The following PCCB variants were observed in gnomAD, a reference collection of about 807,000 sequenced individuals.
The protein encoded by PCCB is propionyl-CoA carboxylase beta chain, mitochondrial.
In PCCB, 43 loss-of-function variants were observed where a neutral mutation model predicts 60.7. That is an observed-to-expected ratio of 0.71 (90% CI 0.55 to 0.91). The LOEUF is 0.91. Among genes scored for constraint, PCCB ranks in the 40% least tolerant of loss-of-function variants. The pLI is 0.00. For missense variants in PCCB, 766 were observed against 702.8 expected (o/e 1.09, Z -1.02); for synonymous variants, 276 against 255.9 (o/e 1.08, Z -0.75).
At chr3:136,321,323 A>G (rs1334157405) in intron 10 of PCCB, among the ~76,000 whole-genome samples, 1 of 152,210 alleles carries the variant, frequency 6.6e-6, no homozygotes, top group Non-Finnish European at 1.5e-5. Flanking sequence ...CCTGCATAAG[A>G]GCAGTATATT....
intron 5 of PCCB, among the ~76,000 whole-genome samples, chr3:136,273,475 T>G (rs565493120): frequency 6.6e-6 from 1 of 152,096 alleles, no homozygotes; most frequent in Non-Finnish European, 1.5e-5. Context: ...AGTAATTGTT[T>G]TATAAATCTG....
chr3:136,294,268 G>A (rs531823010), intron 7 of PCCB, among the ~76,000 whole-genome samples: 1 of 152,232 alleles, frequency 6.6e-6, no homozygotes, highest in African/African-American at 2.4e-5. Context: ...TTGGCCAGGT[G>A]CATGATGGTC....
At chr3:136,290,671 G>GTTTTTTTCTTTTTTTTTTTTTTTTTTTTT (rs1553778408) in intron 6 of PCCB, among the ~76,000 whole-genome samples, 1 of 60,050 alleles carries the variant, frequency 1.7e-5, no homozygotes. Flanking sequence ...TCTCTGTGTA[G>GTTTTTTTCTTTTTTTTTTTTTTTTTTTTT]TTTTTTTTTT....
chr3:136,311,386 C>T (rs965609658), intron 9 of PCCB, among the ~76,000 whole-genome samples: 1 of 152,156 alleles, frequency 6.6e-6, no homozygotes, highest in Admixed American at 6.5e-5. Context: ...GGGTTTCACT[C>T]TGTCACCCAG....
chr3:136,255,449 A>G (rs1941646639), intron 1 of PCCB: 2 of 286,664 alleles, frequency 7.0e-6, no homozygotes, highest in South Asian at 3.5e-5. Flanking sequence ...CTCCCTAGAA[A>G]AAACCTGTGT....
At chr3:136,301,357 G>T (rs549471078) in intron 9 of PCCB, among the ~76,000 whole-genome samples, 11 of 152,220 alleles carry the variant, frequency 7.2e-5, no homozygotes, top group Non-Finnish European at 1.6e-4. Flanking sequence ...GGCCAGCAGA[G>T]CTCAGGAGTC....
Position 136,293,184 on chromosome 3 carries a change from A to G in PCCB, c.655-572A>G, listed in dbSNP as rs530806376. ...GCCTACCTAATTGAAACAAATTTTT[A>G]TGGAGACTGGGTCTCGCTATGTTGG... is the stretch of plus-strand genomic sequence containing the variant. On this transcript the variant is annotated intron_variant, in intron 6 of 14. Transcript: ENST00000251654. Among the ~76,000 whole-genome samples the G allele has an allele frequency of 8.0e-4, 122 of 152,254 alleles. 4 individuals are homozygous for G. In the South Asian group the frequency reaches 0.024, roughly 30 times the overall value.
At chr3:136,298,706 ATAGAG>A (rs915234029) in intron 8 of PCCB, among the ~76,000 whole-genome samples, 4 of 152,190 alleles carry the variant, frequency 2.6e-5, no homozygotes, top group Non-Finnish European at 2.9e-5. Context: ...TGGAGGCACC[ATAGAG>A]TAAAGTGGAG....
chr3:136,317,042 C>T lies in PCCB; in HGVS notation c.1068C>T (p.Gly356=), dbSNP rs980116020. 6.2e-7 allele frequency: 1 copy of T among 1,613,942 alleles called. No homozygotes were observed. The highest frequency in any genetic ancestry group is 8.5e-7 in the Non-Finnish European group (1 of 1,179,946). ...RMNGRTVGIV[G]NQPKVASGCL... is the part of the protein sequence containing the mutation. ...ATGGGAGGACTGTTGGAATTGTTGG[C>T]AACCAACCTAAGGTGGCCTCAGGTA... Residue 356 remains glycine, a synonymous_variant, in exon 10 of 15, where the codon GGC becomes GGT. Transcript: ENST00000251654.
chr3:136,323,628 A>T (rs1480867794), intron 10 of PCCB, among the ~76,000 whole-genome samples: 2 of 152,266 alleles, frequency 1.3e-5, no homozygotes, highest in East Asian at 3.9e-4. Context: ...TACTAAAAAT[A>T]CAAAAAATGA....
chr3:136,320,143 TTTA>T (rs1560030323), intron 10 of PCCB, among the ~76,000 whole-genome samples: 1 of 152,246 alleles, frequency 6.6e-6, no homozygotes, highest in Non-Finnish European at 1.5e-5. Flanking sequence ...GTCTTCCAAC[TTTA>T]TTGTTGTTCT....
intron 10 of PCCB, among the ~76,000 whole-genome samples, chr3:136,323,813 A>AC (rs1935194200): frequency 6.6e-6 from 1 of 151,668 alleles, no homozygotes; most frequent in Non-Finnish European, 1.5e-5. Flanking sequence ...ATCTCAAAAA[A>AC]AAAAAAAAAA....
In PCCB at chr3:136,250,368, C is replaced by T. The variant is rs1332536537; in HGVS notation, c.-8C>T. Reference sequence around the variant, plus strand: ...TGCGCCGGTAGGGGACGCGCCGGCACAGCAAAAATGGCGGCGGCATTACGG... The same window carrying T: ...TGCGCCGGTAGGGGACGCGCCGGCATAGCAAAAATGGCGGCGGCATTACGG... On this transcript the variant is annotated 5_prime_UTR_variant, in exon 1 of 15. Coordinates refer to ENST00000251654, the MANE Select transcript of PCCB (RefSeq NM_000532.5). 4.6e-6 allele frequency: 7 copies of T among 1,519,512 alleles called. No homozygotes were observed. Among genetic ancestry groups the T allele is most frequent in the Non-Finnish European group, 5.3e-6 (6 of 1,129,298 alleles). The allele number at this position is 1,519,512 out of a possible 1,614,324, so 94.1% of individuals were successfully genotyped here.
chr3:136,265,027 C>G (rs908437163), intron 5 of PCCB, among the ~76,000 whole-genome samples: 6 of 151,904 alleles, frequency 3.9e-5, no homozygotes, highest in African/African-American at 1.5e-4. Context: ...AACCCTGTCT[C>G]TACTAAAAAT....
chr3:136,315,907 G>C (rs1022588879), intron 9 of PCCB, among the ~76,000 whole-genome samples: 1 of 143,408 alleles, frequency 7.0e-6, no homozygotes, highest in African/African-American at 2.9e-5. Flanking sequence ...ATGTTCTTAT[G>C]TGTTTATATA....
chr3:136,326,787 A>C lies in PCCB; in HGVS notation c.1091-16A>C, dbSNP rs534160449. The C allele has an allele frequency of 1.3e-4, 195 of 1,520,736 alleles. No individual in the cohort carries two copies. The South Asian group carries it at 2.1e-3, about 16-fold the overall frequency. The allele number at this position is 1,520,736 out of a possible 1,614,324, so 94.2% of individuals were successfully genotyped here. Reference sequence around the variant, plus strand: ...ATTGCCTGGATACTCAGTATGGATAATCTCTCTCTTTCTAGGATGCTTGGA... The same window carrying C: ...ATTGCCTGGATACTCAGTATGGATACTCTCTCTCTTTCTAGGATGCTTGGA... On this transcript the variant is annotated splice_polypyrimidine_tract_variant and intron_variant, in intron 10 of 14. Transcript: ENST00000251654.
At chr3:136,264,124 G>T (rs527563674) in intron 5 of PCCB, among the ~76,000 whole-genome samples, 1 of 151,798 alleles carries the variant, frequency 6.6e-6, no homozygotes, top group South Asian at 2.1e-4. Context: ...CATTTGTTCT[G>T]TTATTCTCTC....
intron 5 of PCCB, among the ~76,000 whole-genome samples, chr3:136,264,874 CAA>C (rs1167305370): frequency 1.2e-4 from 9 of 76,622 alleles, no homozygotes; most frequent in East Asian, 3.5e-4. Context: ...GACTCCGTCT[CAA>C]AAAAAAAAAA....
chr3:136,314,403 G>T (rs1411993033), intron 9 of PCCB, among the ~76,000 whole-genome samples: 5 of 152,148 alleles, frequency 3.3e-5, no homozygotes, highest in Admixed American at 3.3e-4. Flanking sequence ...TGGGCTGGGT[G>T]TGGTGGTTCA....
Sources: gnomAD v4.1 joint callset for allele counts (sites outside exome capture counted in the v4.1 genomes callset) on GRCh38, gnomAD v4.1.1 for gene constraint, MANE v1.5 for transcripts, NCBI Gene and HGNC (gene_info 2026-07-23, HGNC 2026-07-21) for gene names.